Variants in ZNF611 observed in about 807,000 individuals in gnomAD.
The protein encoded by ZNF611 is zinc finger protein 611.
Under a neutral mutation model 8.9 loss-of-function variants are expected in ZNF611, and 6 were observed. The ratio of observed to expected loss-of-function variants is 0.68; its 90% CI spans 0.37 to 1.34. The LOEUF (loss-of-function observed/expected upper bound fraction) is 1.34, where lower values mean the gene tolerates loss of function less well. Among genes scored for constraint, ZNF611 ranks in the 40% most tolerant of loss-of-function variants. ZNF611 has a pLI of 0.02. For missense variants in ZNF611, 874 were observed against 841.3 expected, an observed-to-expected ratio of 1.04 and a Z score of -0.48; for synonymous variants, 262 against 279.7, an observed-to-expected ratio of 0.94 and a Z score of 0.63.
intron 3 of ZNF611, among the ~76,000 whole-genome samples, chr19:52,725,386 G>C (rs1407760138): frequency 6.6e-6 from 1 of 152,216 alleles, no homozygotes; most frequent in South Asian, 2.1e-4. Context: ...GGAGGCCGAC[G>C]GGGGCTGGGA....
At chr19:52,729,514 AAAAAG>A (rs1319581308) in intron 2 of ZNF611, among the ~76,000 whole-genome samples, 48 of 148,642 alleles carry the variant, frequency 3.2e-4, no homozygotes, top group African/African-American at 1.1e-3. Context: ...AAAAAAAAAA[AAAAAG>A]AAAAGAAAGA....
Position 52,714,834 on chromosome 19 carries a change from C to T in ZNF611, c.64-693G>A, listed in dbSNP as rs1190148424. On this transcript the variant is annotated intron_variant, in intron 4 of 5. Coordinates refer to ENST00000652185, the MANE Select transcript of ZNF611 (RefSeq NM_001161499.2). Reference sequence around the variant, plus strand: ...TCAACATGGCAAAACCATGTCTCTACTAAAAATACAAATATTAGCTGGGTG... The same window carrying T: ...TCAACATGGCAAAACCATGTCTCTATTAAAAATACAAATATTAGCTGGGTG... 1.3e-5 allele frequency among the ~76,000 whole-genome samples: 2 copies of T among 151,646 alleles called. 1 individual carries two copies. The highest frequency in any genetic ancestry group is 2.9e-5 in the Non-Finnish European group (2 of 68,000).
At chr19:52,709,058 G>C (rs975443132) in intron 5 of ZNF611, among the ~76,000 whole-genome samples, 1 of 152,018 alleles carries the variant, frequency 6.6e-6, no homozygotes. Flanking sequence ...AAAACAAATT[G>C]CACAATAAGA....
At chr19:52,724,851 C>T (rs1372155708) in intron 3 of ZNF611, among the ~76,000 whole-genome samples, 2 of 152,156 alleles carry the variant, frequency 1.3e-5, no homozygotes, top group African/African-American at 4.8e-5. Context: ...CTCTCCCTAT[C>T]TTGTCCTTCA....
In ZNF611 at chr19:52,719,106, T is replaced by C. The variant is rs557365213; in HGVS notation, c.-19-3193A>G. Among the ~76,000 whole-genome samples the C allele has an allele frequency of 4.6e-5, 7 of 151,808 alleles. No homozygotes were observed. The South Asian group carries it at 8.3e-4, about 18-fold the overall frequency. ...ATTGCTTGAACCCGGGAGGTGGAGG[T>C]TGCAGTGAGTCAAGATCACTCCACT... On this transcript the variant is annotated intron_variant, in intron 3 of 5. Transcript: ENST00000652185.
chr19:52,705,284 C>T lies in ZNF611; in HGVS notation c.1771G>A (p.Glu591Lys). 6.2e-7 allele frequency: 1 copy of T among 1,614,124 alleles called. No individual in the cohort carries two copies. Among genetic ancestry groups the T allele is most frequent in the Non-Finnish European group, 8.5e-7 (1 of 1,180,016 alleles). ...CACTCATTACACTTGTAAGGTTTCT[C>T]ACCACTATGAACTCTATGATGGCAT... The part of the protein sequence containing the change: ...LVCHHRVHSG[E>K]KPYKCNECSK... Residue 591 changes from glutamate (E) to lysine (K), a missense_variant, in exon 6 of 6, where the codon GAG (glutamate) becomes AAG (lysine). By Grantham distance (56) the Glu-to-Lys change is moderately conservative. Transcript: ENST00000652185.
chr19:52,731,666 T>C (rs544118548), intron 1 of ZNF611, among the ~76,000 whole-genome samples: 97 of 151,938 alleles, frequency 6.4e-4, no homozygotes, highest in African/African-American at 2.2e-3. Flanking sequence ...CGTGCCCTGA[T>C]GTCCCTTTTG....
At chr19:52,712,481 A>AAC (rs1555795378) in intron 5 of ZNF611, among the ~76,000 whole-genome samples, 5 of 147,882 alleles carry the variant, frequency 3.4e-5, no homozygotes, top group South Asian at 2.1e-4. Flanking sequence ...AAAAAAAAAA[A>AAC]AAAAAACATT....
At chr19:52,714,166 A>C (rs371401581) in intron 4 of ZNF611, 25 bp from the exon 5 acceptor site, 28 of 1,610,694 alleles carry the variant, frequency 1.7e-5, no homozygotes, top group Admixed American at 5.1e-5. Flanking sequence ...ACATTTCAAC[A>C]AAACATTATG....
chr19:52,707,949 G>A (rs955591256), intron 5 of ZNF611, among the ~76,000 whole-genome samples: 1 of 152,032 alleles, frequency 6.6e-6, no homozygotes, highest in Non-Finnish European at 1.5e-5. Context: ...TGACATTAAC[G>A]AATAGTGCAT....
rs1484883357 is a variant in ZNF611, at chr19:52,714,135, A to G, written c.70T>C (p.Leu24=). 3 of 1,613,188 alleles carry G rather than the reference A, an allele frequency of 1.9e-6. No homozygotes were observed. In the South Asian group the frequency reaches 3.3e-5, roughly 18 times the overall value. ...TCTATAGCCACATCCCGGAAAGTCA[A>G]GCGTCCCTAAAATGAAACACACATT... is the stretch of plus-strand genomic sequence containing the variant. ...EPGMALPQGR[L]TFRDVAIEFS... Residue 24 remains leucine, a synonymous_variant, in exon 5 of 6, where the codon TTG becomes CTG. Transcript: ENST00000652185.
chr19:52,711,998 G>A (rs191738106), intron 5 of ZNF611, among the ~76,000 whole-genome samples: 178 of 152,060 alleles, frequency 1.2e-3, no homozygotes, highest in Non-Finnish European at 2.0e-3. Flanking sequence ...GAGGAAAGTG[G>A]AACTAATTTA....
At chr19:52,734,406 G>A (rs1462128850) in intron 1 of ZNF611, among the ~76,000 whole-genome samples, 1 of 152,080 alleles carries the variant, frequency 6.6e-6, no homozygotes, top group Non-Finnish European at 1.5e-5. Context: ...CTGGAGCTCC[G>A]CAGGCAAGAA....
At chr19:52,730,267 C>T (rs1053280107) in intron 1 of ZNF611, among the ~76,000 whole-genome samples, 1 of 151,222 alleles carries the variant, frequency 6.6e-6, no homozygotes, top group African/African-American at 2.4e-5. Context: ...TGGCGGGTGC[C>T]TGTAGTCTCA....
At chr19:52,713,775 C>T (rs1044357207) in intron 5 of ZNF611, among the ~76,000 whole-genome samples, 1 of 152,066 alleles carries the variant, frequency 6.6e-6, no homozygotes, top group African/African-American at 2.4e-5. Flanking sequence ...CCTATAATAA[C>T]AGCTACTCAG....
intron 5 of ZNF611, chr19:52,707,265 A>C (rs1336803353): frequency 6.3e-6 from 1 of 158,686 alleles, no homozygotes. Context: ...AAAAAAAAAA[A>C]AAACTCCCCA....
At position 52,719,008 on chromosome 19, in the gene ZNF611, T is replaced by C. The variant is rs777463297; in HGVS notation, c.-19-3095A>G. 1.0e-3 allele frequency among the ~76,000 whole-genome samples: 154 copies of C among 151,824 alleles called. 1 individual carries two copies. The highest frequency in any genetic ancestry group is 4.0e-4 in the Non-Finnish European group (27 of 67,920). ...CAAGATGGTGAACCTCTGTCTCTGC[T>C]AAAAATAAAAAGTCAGACAGGTGTG... is the stretch of plus-strand genomic sequence containing the variant. On this transcript the variant is annotated intron_variant, in intron 3 of 5. Coordinates refer to ENST00000652185, the MANE Select transcript of ZNF611 (RefSeq NM_001161499.2).
Position 52,704,904 on chromosome 19 carries a change from C to T in ZNF611, c.*33G>A. On this transcript the variant is annotated 3_prime_UTR_variant, in exon 6 of 6. Coordinates refer to ENST00000652185, the MANE Select transcript of ZNF611 (RefSeq NM_001161499.2). ...CTCCTATGTCTTTAAGGTGTGATTT[C>T]CAAATGGAAACTTTGTCACATGCTT... The T allele has an allele frequency of 6.2e-7, 1 of 1,611,996 alleles. No individual in the cohort carries two copies. The highest frequency in any genetic ancestry group is 1.1e-5 in the South Asian group (1 of 90,828).
chr19:52,712,456 T>TA (rs55649603), intron 5 of ZNF611, among the ~76,000 whole-genome samples: 9,252 of 37,434 alleles, frequency 0.25, 2,527 homozygotes, highest in East Asian at 0.28. Flanking sequence ...CTGTCTCTAC[T>TA]AAAAAAAAAA....
Sources: gnomAD v4.1 joint callset for allele counts (sites outside exome capture counted in the v4.1 genomes callset) on GRCh38, gnomAD v4.1.1 for gene constraint, MANE v1.5 for transcripts, NCBI Gene and HGNC (gene_info 2026-07-23, HGNC 2026-07-21) for gene names.